The following RTN3 variants were observed in gnomAD, a reference collection of about 807,000 sequenced individuals.
RTN3 encodes reticulon-3.
A neutral mutation model predicts 77.8 loss-of-function variants in RTN3; 49 were observed. That is an observed-to-expected ratio of 0.63 (90% confidence interval 0.50 to 0.80). The LOEUF (loss-of-function observed/expected upper bound fraction) is 0.80, where lower values mean the gene tolerates loss of function less well. Ranked by LOEUF, RTN3 falls within the 30% of genes least tolerant of loss-of-function variation. The pLI, the probability that RTN3 is intolerant of heterozygous loss-of-function variation, is 0.00. For missense variants in RTN3, 1,236 were observed against 1,211.9 expected (o/e 1.02, Z -0.29); for synonymous variants, 464 against 446.9 (o/e 1.04, Z -0.48).
chr11:63,719,260 AC>A lies in RTN3; in HGVS notation c.759del (p.Asp253GlufsTer45), dbSNP rs1413861987. The A allele has an allele frequency of 1.2e-6, 2 of 1,614,108 alleles. No individual in the cohort carries two copies. The highest frequency in any genetic ancestry group is 2.2e-5 in the South Asian group (2 of 91,074). On this transcript the variant is annotated frameshift_variant, in exon 3 of 9. Transcript: ENST00000377819. LOFTEE classifies it high-confidence loss of function. Reference sequence around the variant, plus strand: ...GAATCACCATTTGAAGTAATTATTGACAAAGCAGCATTTGACAAAGAATTTA... The same window carrying A: ...GAATCACCATTTGAAGTAATTATTGAAAAGCAGCATTTGACAAAGAATTTA... ...SPESPFEVIIDKAAFDKEFKD... is the reference protein window; with the variant it reads ...SPESPFEVIIXKAAFDKEFKD...
At chr11:63,701,977 T>C (rs1942258949) in intron 1 of RTN3, among the ~76,000 whole-genome samples, 1 of 152,148 alleles carries the variant, frequency 6.6e-6, no homozygotes, top group African/African-American at 2.4e-5. Context: ...TTTTAATTTG[T>C]AGGAGTAGAT....
In RTN3 at chr11:63,719,398, A is replaced by C; in HGVS notation, c.896A>C (p.Asn299Thr). 3 of 1,614,220 alleles carry C rather than the reference A, an allele frequency of 1.9e-6. No homozygotes were observed. The highest frequency in any genetic ancestry group is 2.5e-6 in the Non-Finnish European group (3 of 1,180,038). The change falls in exon 3 of 9, where the codon AAT becomes ACT. Residue 299 changes from asparagine to threonine, a missense_variant. Transcript: ENST00000377819. ...AATGACAAGCTTTTTCCACTGAGAA[A>C]TAAAGAGGCAGGACGTTACCCAATG... ...ETNDKLFPLR[N>T]KEAGRYPMSA...
Position 63,759,099 on chromosome 11 carries a change from A to G in RTN3, c.*898A>G, listed in dbSNP as rs984538979. ...CTGCTGTAAACTTGTTAGAGAAAAA[A>G]ATAACCTGCATGTGGGCTCCTCAGT... is the stretch of plus-strand genomic sequence containing the variant. On this transcript the variant is annotated 3_prime_UTR_variant, in exon 9 of 9. Transcript: ENST00000377819. 2 of 152,224 alleles carry G rather than the reference A, an allele frequency of 1.3e-5. No individual in the cohort carries two copies. The highest frequency in any genetic ancestry group is 2.1e-4 in the South Asian group (1 of 4,832). 9.4% of individuals were successfully genotyped at this position (152,224 alleles called of 1,614,324 possible).
chr11:63,698,872 C>A, intron 1 of RTN3: 1 of 158,048 alleles, frequency 6.3e-6, no homozygotes. Context: ...ATGTTAATTC[C>A]CAGATATTTA....
intron 2 of RTN3, among the ~76,000 whole-genome samples, chr11:63,711,653 C>T (rs375894095): frequency 4.6e-5 from 7 of 152,224 alleles, no homozygotes; most frequent in Admixed American, 6.5e-5. Context: ...CAACCTCTGC[C>T]TCCCAGGTTC....
chr11:63,735,066 G>A (rs541123983), intron 3 of RTN3, among the ~76,000 whole-genome samples: 3 of 152,006 alleles, frequency 2.0e-5, no homozygotes, highest in South Asian at 2.1e-4. Context: ...TTTCTCTGTC[G>A]CCCAGGCTGG....
At chr11:63,730,787 C>G (rs2012634819) in intron 3 of RTN3, among the ~76,000 whole-genome samples, 1 of 152,108 alleles carries the variant, frequency 6.6e-6, no homozygotes, top group South Asian at 2.1e-4. Flanking sequence ...CCACTGCACT[C>G]CAGCCTGGTG....
chr11:63,757,355 T>C (rs186813669), intron 8 of RTN3, among the ~76,000 whole-genome samples: 26 of 152,314 alleles, frequency 1.7e-4, no homozygotes, highest in African/African-American at 4.8e-4. Flanking sequence ...CTTTCTTTTT[T>C]GTTTTGCTTT....
chr11:63,720,037 C>A lies in RTN3; in HGVS notation c.1535C>A (p.Thr512Lys). 6.2e-7 allele frequency: 1 copy of A among 1,614,112 alleles called. No homozygotes were observed. The highest frequency in any genetic ancestry group is 8.5e-7 in the Non-Finnish European group (1 of 1,180,012). ...GTAATAGAGGACATCACAGCAGATA[C>A]ATCATTTGAAAATAACAAAATTCAG... Reference protein sequence around the residue: ...DTVIEDITADTSFENNKIQAE... With the variant: ...DTVIEDITADKSFENNKIQAE... The change falls in exon 3 of 9, where the codon ACA becomes AAA. Residue 512 changes from threonine to lysine, a missense_variant. Around this residue, in one of 3 missense-constraint regions of RTN3, gnomAD observed 1,056 missense variants for 990.4 expected, o/e 1.07. Coordinates refer to ENST00000377819, the MANE Select transcript of RTN3 (RefSeq NM_001265589.2).
chr11:63,709,958 T>C (rs1461617774), intron 2 of RTN3, among the ~76,000 whole-genome samples: 1 of 152,238 alleles, frequency 6.6e-6, no homozygotes, highest in East Asian at 1.9e-4. Flanking sequence ...ACATGGTAAC[T>C]ATAACCTAGT....
intron 2 of RTN3, among the ~76,000 whole-genome samples, chr11:63,706,883 T>C (rs931190307): frequency 2.6e-5 from 4 of 151,116 alleles, no homozygotes; most frequent in African/African-American, 9.8e-5. Context: ...AGTCACTATT[T>C]TTTTTCTTTT....
In RTN3 at chr11:63,720,828, C is replaced by G. The variant is rs370052431; in HGVS notation, c.2326C>G (p.Gln776Glu). 4 of 1,613,906 alleles carry G rather than the reference C, an allele frequency of 2.5e-6. No homozygotes were observed. Among genetic ancestry groups the G allele is most frequent in the African/African-American group, 1.3e-5 (1 of 75,042 alleles). ...ATTGCCTTCTGAAGAAGTACTGAAG[C>G]AAACTTTCACATTTGCTCCAGAATC... ...AELPSEEVLK[Q>E]TFTFAPESWP... The change falls in exon 3 of 9, where the codon CAA (glutamine) becomes GAA (glutamate). Residue 776 changes from glutamine (Q) to glutamate (E), a missense_variant. Around this residue, in one of 3 missense-constraint regions of RTN3, gnomAD observed 1,056 missense variants for 990.4 expected, o/e 1.07. Coordinates refer to ENST00000377819, the MANE Select transcript of RTN3 (RefSeq NM_001265589.2).
At chr11:63,713,482 T>A (rs1043169372) in intron 2 of RTN3, among the ~76,000 whole-genome samples, 14 of 152,126 alleles carry the variant, frequency 9.2e-5, no homozygotes, top group Admixed American at 7.2e-4. Context: ...GCTAATTGTT[T>A]AATTTTTTTG....
At chr11:63,751,293 G>A (rs772914159) in intron 4 of RTN3, among the ~76,000 whole-genome samples, 1 of 152,214 alleles carries the variant, frequency 6.6e-6, no homozygotes, top group Non-Finnish European at 1.5e-5. Flanking sequence ...TTCAAACCTT[G>A]TTGTGTCTGT....
In RTN3 at chr11:63,720,953, G is replaced by A. The variant is rs757334533; in HGVS notation, c.2451G>A (p.Arg817=). The A allele has an allele frequency of 5.6e-6, 9 of 1,613,920 alleles. No individual in the cohort carries two copies. The Admixed American group carries it at 1.3e-4, about 24-fold the overall frequency. ...CCATCACTATCAGAGAAACTACTAG[G>A]GTAGATGCTGTTTCCAGCCTTAGCA... ...QKPITIRETT[R]VDAVSSLSKT... The change falls in exon 3 of 9, where the codon AGG becomes AGA. Residue 817 remains arginine (R), a synonymous_variant. Transcript: ENST00000377819.
chr11:63,732,371 T>C (rs569273374), intron 3 of RTN3, among the ~76,000 whole-genome samples: 1 of 151,736 alleles, frequency 6.6e-6, no homozygotes, highest in African/African-American at 2.4e-5. Flanking sequence ...AGAAATGGGG[T>C]CTCATGTTGC....
chr11:63,693,037 T>C (rs1007040416), intron 1 of RTN3, among the ~76,000 whole-genome samples: 2 of 152,216 alleles, frequency 1.3e-5, no homozygotes, highest in East Asian at 1.9e-4. Context: ...GGCTTCTCGA[T>C]GTGCTGGGAT....
intron 4 of RTN3, among the ~76,000 whole-genome samples, chr11:63,751,181 C>A (rs1287801550): frequency 1.3e-5 from 2 of 152,182 alleles, no homozygotes; most frequent in Non-Finnish European, 2.9e-5. Flanking sequence ...ACTCTAAATT[C>A]TTGAGCAGGG....
rs1427948218 is a variant in RTN3 at position 63,758,284 on chromosome 11, A to G, written c.*83A>G. 3 of 1,613,354 alleles carry G rather than the reference A, an allele frequency of 1.9e-6. No individual in the cohort carries two copies. The highest frequency in any genetic ancestry group is 2.5e-6 in the Non-Finnish European group (3 of 1,179,820). ...CGTTACTTGTACTATGAAGGAAAAT[A>G]CTCAGTGTCAGCTTGAGCCTGCATT... is the stretch of plus-strand genomic sequence containing the variant. On this transcript the variant is annotated 3_prime_UTR_variant, in exon 9 of 9. Transcript: ENST00000377819.
Sources: gnomAD v4.1 joint callset for allele counts (sites outside exome capture counted in the v4.1 genomes callset) on GRCh38, gnomAD v4.1.1 for gene constraint, gnomAD v4.1.1 regional missense constraint, MANE v1.5 for transcripts, NCBI Gene and HGNC (gene_info 2026-07-23, HGNC 2026-07-21) for gene names.